CSMD1: variants seen among roughly 807,000 people sequenced by gnomAD.
CSMD1 encodes CUB and Sushi multiple domains 1, also known as CUB and sushi domain-containing protein 1.
In CSMD1, 213 loss-of-function variants were observed where a neutral mutation model predicts 417.5. That is an observed-to-expected ratio of 0.51 (90% confidence interval 0.46 to 0.57). The LOEUF is 0.57. Among genes scored for constraint, CSMD1 ranks in the 20% least tolerant of loss-of-function variants. CSMD1 has a pLI of 0.00. For synonymous variants in CSMD1, 2,862 were observed against 1,736.8 expected (o/e 1.65, Z -16.11); for missense variants, 6,923 against 4,529.7 (o/e 1.53, Z -15.17).
intron 2 of CSMD1, among the ~76,000 whole-genome samples, chr8:4,572,702 T>C (rs1216842416): frequency 2.0e-5 from 3 of 152,224 alleles, no homozygotes; most frequent in African/African-American, 7.2e-5. Flanking sequence ...GATAATATCC[T>C]GAAGAGTGTT....
chr8:4,723,872 A>G (rs1361622993), intron 1 of CSMD1, among the ~76,000 whole-genome samples: 1 of 151,944 alleles, frequency 6.6e-6, no homozygotes, highest in African/African-American at 2.4e-5. Flanking sequence ...TGCCTTCCCA[A>G]AACTAACTGT....
At chr8:3,998,169 T>A (rs1815370127) in intron 4 of CSMD1, 59 bp from the exon 5 acceptor site, 4 of 1,429,142 alleles carry the variant, frequency 2.8e-6, no homozygotes, top group East Asian at 2.5e-5. Flanking sequence ...CATACACGAG[T>A]GTGTCCACCA....
chr8:3,324,113 C>A (rs1353743229), intron 23 of CSMD1, among the ~76,000 whole-genome samples: 1 of 146,396 alleles, frequency 6.8e-6, no homozygotes. Context: ...CTTCACCCCA[C>A]CTTTCATCAT....
At chr8:3,883,870 T>C (rs1233160755) in intron 5 of CSMD1, among the ~76,000 whole-genome samples, 3 of 152,036 alleles carry the variant, frequency 2.0e-5, no homozygotes, top group Admixed American at 1.3e-4. Context: ...AGGAAAACAA[T>C]ACGGTTTTTC....
At chr8:3,609,294 G>C (rs1356813069) in intron 8 of CSMD1, among the ~76,000 whole-genome samples, 1 of 152,096 alleles carries the variant, frequency 6.6e-6, no homozygotes, top group African/African-American at 2.4e-5. Context: ...ACCAATCTGA[G>C]CTCCCTCCCT....
chr8:3,826,326 A>G (rs997263573), intron 5 of CSMD1, among the ~76,000 whole-genome samples: 1 of 152,142 alleles, frequency 6.6e-6, no homozygotes, highest in Non-Finnish European at 1.5e-5. Flanking sequence ...GGGGCTTGAA[A>G]TGAGCTAAAA....
At chr8:3,818,681 A>G (rs1487036697) in intron 5 of CSMD1, among the ~76,000 whole-genome samples, 1 of 152,188 alleles carries the variant, frequency 6.6e-6, no homozygotes, top group Non-Finnish European at 1.5e-5. Context: ...TGACCTTCTG[A>G]AGAAACGGCA....
In CSMD1 at chr8:4,424,731, G is replaced by C. The variant is rs547324092; in HGVS notation, c.303-4666C>G. On this transcript the variant is annotated intron_variant, in intron 2 of 69. Transcript: ENST00000635120. ...ATTGTTCTTCTCTGCATTTGCCCTA[G>C]AAATGCTCATGATGGGAAACTGTCC... Among the ~76,000 whole-genome samples the C allele has an allele frequency of 1.5e-4, 23 of 152,160 alleles. 1 individual carries two copies. In the South Asian group the frequency reaches 3.9e-3, roughly 26 times the overall value.
At chr8:4,072,880 A>C (rs1198173852) in intron 3 of CSMD1, among the ~76,000 whole-genome samples, 1 of 152,172 alleles carries the variant, frequency 6.6e-6, no homozygotes, top group Non-Finnish European at 1.5e-5. Flanking sequence ...CCCAACCTCT[A>C]TGTACAGTGG....
rs570651402 is a variant in CSMD1, at chr8:4,793,488, G to A, written c.86-155930C>T. ...CTCTCTCCTCCCCACCATCTCCCAC[G>A]CCATCTCCCTGGTTCCCAGACACCT... On this transcript the variant is annotated intron_variant, in intron 1 of 69. Transcript: ENST00000635120. Among the ~76,000 whole-genome samples, 20 of 151,292 alleles carry A rather than the reference G, an allele frequency of 1.3e-4. No individual in the cohort carries two copies. The South Asian group carries it at 3.1e-3, about 24-fold the overall frequency.
intron 4 of CSMD1, among the ~76,000 whole-genome samples, chr8:4,002,347 AGG>A (rs1423427180): frequency 6.6e-6 from 1 of 152,170 alleles, no homozygotes; most frequent in African/African-American, 2.4e-5. Context: ...TATTTTTGTA[AGG>A]GATTTTACTT....
chr8:3,288,057 T>G (rs912508406), intron 25 of CSMD1, among the ~76,000 whole-genome samples: 3 of 147,638 alleles, frequency 2.0e-5, no homozygotes, highest in Admixed American at 6.7e-5. Flanking sequence ...TCTATTGAGA[T>G]AATCATGTGG....
At chr8:4,958,122 T>G (rs1469910235) in intron 1 of CSMD1, among the ~76,000 whole-genome samples, 1 of 151,764 alleles carries the variant, frequency 6.6e-6, no homozygotes, top group Non-Finnish European at 1.5e-5. Flanking sequence ...CTATGAGGTC[T>G]TTCCTGTCCT....
intron 4 of CSMD1, among the ~76,000 whole-genome samples, chr8:4,012,562 A>C (rs181157676): frequency 1.3e-5 from 2 of 152,186 alleles, no homozygotes; most frequent in African/African-American, 4.8e-5. Context: ...GTAGTTATTC[A>C]ACCGTCACCA....
chr8:4,939,913 A>G (rs1223566666), intron 1 of CSMD1, among the ~76,000 whole-genome samples: 1 of 152,228 alleles, frequency 6.6e-6, no homozygotes. Context: ...CCATAAATAT[A>G]TATACAATTT....
intron 1 of CSMD1, among the ~76,000 whole-genome samples, chr8:4,750,288 G>A (rs903492862): frequency 1.9e-4 from 29 of 152,138 alleles, no homozygotes; most frequent in South Asian, 2.1e-4. Flanking sequence ...ATTACAGGGT[G>A]AACCACCATG....
At chr8:4,751,502 T>A (rs1811324286) in intron 1 of CSMD1, among the ~76,000 whole-genome samples, 1 of 152,186 alleles carries the variant, frequency 6.6e-6, no homozygotes, top group Non-Finnish European at 1.5e-5. Context: ...TGTGGAATCA[T>A]GAGCTAGATA....
intron 7 of CSMD1, among the ~76,000 whole-genome samples, chr8:3,678,407 C>T (rs999379599): frequency 6.6e-6 from 1 of 151,924 alleles, no homozygotes; most frequent in African/African-American, 2.4e-5. Context: ...TTTGAACAGC[C>T]GATTCGATCA....
chr8:4,252,958 T>C (rs1803185275), intron 3 of CSMD1, among the ~76,000 whole-genome samples: 1 of 152,184 alleles, frequency 6.6e-6, no homozygotes. Flanking sequence ...TAGACTGCAC[T>C]TTTCATGACA....
Sources: allele counts gnomAD v4.1 joint callset (sites outside exome capture counted in the v4.1 genomes callset), GRCh38; gene constraint gnomAD v4.1.1; transcripts MANE v1.5; gene names NCBI Gene and HGNC (gene_info 2026-07-23, HGNC 2026-07-21).